The following SLC22A3 variants were observed in gnomAD, a reference collection of about 807,000 sequenced individuals.
SLC22A3 encodes the protein EMT organic cation transporter 3.
A neutral mutation model predicts 59.1 loss-of-function variants in SLC22A3; 51 were observed. The ratio of observed to expected loss-of-function variants is 0.86; its 90% CI spans 0.69 to 1.09. The LOEUF (loss-of-function observed/expected upper bound fraction) is 1.09. Ranked by LOEUF, SLC22A3 falls within the 50% of genes least tolerant of loss-of-function variation. The probability of loss-of-function intolerance (pLI) is 0.00; values close to 1 mark genes in which losing one functional copy is unlikely to be tolerated. For missense variants in SLC22A3, 711 were observed against 726.3 expected (o/e 0.98, Z 0.24); for synonymous variants, 325 against 292.0 (o/e 1.11, Z -1.15).
chr6:160,350,296 C>G (rs1784617292), intron 1 of SLC22A3, among the ~76,000 whole-genome samples: 1 of 151,812 alleles, frequency 6.6e-6, no homozygotes, highest in Non-Finnish European at 1.5e-5. Context: ...TGTTCGCACA[C>G]TGAGTGGCTC....
At chr6:160,410,207 G>C (rs890712491) in intron 4 of SLC22A3, among the ~76,000 whole-genome samples, 4 of 152,020 alleles carry the variant, frequency 2.6e-5, no homozygotes, top group Admixed American at 6.5e-5. Context: ...AATAGAGACA[G>C]AGTCTTACCA....
chr6:160,380,510 T>G (rs887510380), intron 1 of SLC22A3, among the ~76,000 whole-genome samples: 1 of 152,106 alleles, frequency 6.6e-6, no homozygotes, highest in African/African-American at 2.4e-5. Flanking sequence ...GCCACTCAAC[T>G]AAAATACTAA....
intron 1 of SLC22A3, among the ~76,000 whole-genome samples, chr6:160,373,483 G>C (rs1785475209): frequency 6.6e-6 from 1 of 152,200 alleles, no homozygotes; most frequent in African/African-American, 2.4e-5. Context: ...AGGCATGGTG[G>C]TTAGGGAATC....
rs186917464 is a variant in SLC22A3, at chr6:160,361,016, C to G, written c.429+12168C>G. 7.1e-4 allele frequency among the ~76,000 whole-genome samples: 108 copies of G among 152,274 alleles called. 1 individual carries two copies. The highest frequency in any genetic ancestry group is 2.5e-3 in the African/African-American group (102 of 41,546). ...CCAGAAATTAAAGTGAAATTCCAAG[C>G]CAAAGTAATCAGAACAGCATGGTAT... On this transcript the variant is annotated intron_variant, in intron 1 of 10. Transcript: ENST00000275300.
chr6:160,350,624 G>T (rs1157872310), intron 1 of SLC22A3, among the ~76,000 whole-genome samples: 2 of 152,204 alleles, frequency 1.3e-5, no homozygotes, highest in African/African-American at 4.8e-5. Flanking sequence ...ATTTAAAGAT[G>T]AAGAATAAAA....
rs149101094 is a variant in SLC22A3 at position 160,408,806 on chromosome 6, A to G, written c.742A>G (p.Met248Val). The G allele has an allele frequency of 1.4e-5, 22 of 1,613,836 alleles. No homozygotes were observed. In the African/African-American group the frequency reaches 2.8e-4, roughly 21 times the overall value. The change falls in exon 4 of 11, where the codon ATG becomes GTG. Residue 248 changes from methionine to valine, a missense_variant. Coordinates refer to ENST00000275300, the MANE Select transcript of SLC22A3 (RefSeq NM_021977.4). ...QRRIVGIVIQ[M>V]FFTLGIIILP... ...GAGGATTGTGGGAATCGTGATTCAA[A>G]TGTTCTTTACCCTTGGAATCATAAT...
intron 1 of SLC22A3, among the ~76,000 whole-genome samples, chr6:160,365,238 T>C (rs1194852920): frequency 6.6e-6 from 1 of 152,162 alleles, no homozygotes; most frequent in African/African-American, 2.4e-5. Context: ...ATGAGGTAAG[T>C]CATTATTTTC....
intron 2 of SLC22A3, among the ~76,000 whole-genome samples, chr6:160,404,689 G>C (rs1786931717): frequency 6.6e-6 from 1 of 152,062 alleles, no homozygotes; most frequent in African/African-American, 2.4e-5. Flanking sequence ...TTAACGTCAA[G>C]ACTTACCGTA....
intron 5 of SLC22A3, among the ~76,000 whole-genome samples, chr6:160,420,925 T>C (rs1350047485): frequency 6.6e-6 from 1 of 152,202 alleles, no homozygotes; most frequent in South Asian, 2.1e-4. Context: ...GCCTGTCTAG[T>C]TGCCTGCCAG....
At chr6:160,398,529 T>C (rs1422519730) in intron 2 of SLC22A3, among the ~76,000 whole-genome samples, 4 of 152,250 alleles carry the variant, frequency 2.6e-5, no homozygotes, top group Admixed American at 6.5e-5. Flanking sequence ...TATTTTATTC[T>C]ACAAATGTAA....
At chr6:160,354,995 T>C (rs893611857) in intron 1 of SLC22A3, among the ~76,000 whole-genome samples, 16 of 152,122 alleles carry the variant, frequency 1.1e-4, no homozygotes, top group South Asian at 2.1e-4. Flanking sequence ...CCCCGGAGGA[T>C]GGTGGAACTC....
At chr6:160,393,517 C>A (rs1421550869) in intron 1 of SLC22A3, among the ~76,000 whole-genome samples, 2 of 148,614 alleles carry the variant, frequency 1.3e-5, no homozygotes, top group Non-Finnish European at 3.0e-5. Context: ...TCAATTCCCA[C>A]CTATGAGTGA....
At chr6:160,431,231 A>C (rs533736508) in intron 5 of SLC22A3, among the ~76,000 whole-genome samples, 2 of 152,190 alleles carry the variant, frequency 1.3e-5, no homozygotes, top group Non-Finnish European at 2.9e-5. Context: ...ACCCTTTGGC[A>C]ACAGAAAATC....
At chr6:160,355,684 A>T (rs1178235714) in intron 1 of SLC22A3, among the ~76,000 whole-genome samples, 1 of 151,484 alleles carries the variant, frequency 6.6e-6, no homozygotes, top group Non-Finnish European at 1.5e-5. Context: ...AGGCAGGAGA[A>T]TGGCGTGAAC....
chr6:160,435,742 C>T (rs1788312872), intron 5 of SLC22A3, among the ~76,000 whole-genome samples: 1 of 152,114 alleles, frequency 6.6e-6, no homozygotes, highest in Non-Finnish European at 1.5e-5. Flanking sequence ...TAGATAGCAT[C>T]GGTCTTGTCC....
chr6:160,438,781 G>T (rs1009183395), intron 7 of SLC22A3, among the ~76,000 whole-genome samples: 3 of 152,116 alleles, frequency 2.0e-5, no homozygotes, highest in Admixed American at 6.5e-5. Context: ...TATGCTCTCA[G>T]GGGTGTGGAG....
intron 1 of SLC22A3, among the ~76,000 whole-genome samples, chr6:160,364,433 G>A (rs1397194375): frequency 6.6e-6 from 1 of 152,238 alleles, no homozygotes; most frequent in South Asian, 2.1e-4. Flanking sequence ...GAGTAGATGG[G>A]TGCAGCGTTG....
rs140059821 is a variant in SLC22A3 at position 160,354,230 on chromosome 6, C to G, written c.429+5382C>G. On this transcript the variant is annotated intron_variant, in intron 1 of 10. Coordinates refer to ENST00000275300, the MANE Select transcript of SLC22A3 (RefSeq NM_021977.4). Reference sequence around the variant, plus strand: ...TCCTTTGGTGTCAGATAAATCTTGTCCTAAATCCCAGCTCCTCTATTAACT... The same window carrying G: ...TCCTTTGGTGTCAGATAAATCTTGTGCTAAATCCCAGCTCCTCTATTAACT... 4.1e-3 allele frequency among the ~76,000 whole-genome samples: 625 copies of G among 152,292 alleles called. 6 individuals carry two copies. The highest frequency in any genetic ancestry group is 3.0e-3 in the Non-Finnish European group (205 of 68,034).
chr6:160,367,614 T>G (rs1785251365), intron 1 of SLC22A3, among the ~76,000 whole-genome samples: 1 of 152,228 alleles, frequency 6.6e-6, no homozygotes, highest in African/African-American at 2.4e-5. Flanking sequence ...TGCTGCTCAG[T>G]GTCTTCCGCT....
Sources: gnomAD v4.1 joint callset for allele counts (sites outside exome capture counted in the v4.1 genomes callset) on GRCh38, gnomAD v4.1.1 for gene constraint, MANE v1.5 for transcripts, NCBI Gene and HGNC (gene_info 2026-07-23, HGNC 2026-07-21) for gene names.